ITPR1: variants seen among roughly 807,000 people sequenced by gnomAD.
ITPR1 encodes inositol 1,4,5-trisphosphate receptor type 1, also known as inositol 1,4,5-trisphosphate-gated calcium channel ITPR1.
Under a neutral mutation model 318.4 loss-of-function variants are expected in ITPR1, and 96 were observed. The ratio of observed to expected loss-of-function variants is 0.30; its 90% CI spans 0.26 to 0.36. The LOEUF is 0.36. Among genes scored for constraint, ITPR1 ranks in the 10% least tolerant of loss-of-function variants. The pLI is 1.00. For synonymous variants in ITPR1, 1,312 were observed against 1,289.9 expected, an observed-to-expected ratio of 1.02 and a Z score of -0.37; for missense variants, 2,440 against 3,460.2, an observed-to-expected ratio of 0.71 and a Z score of 7.40.
intron 4 of ITPR1, among the ~76,000 whole-genome samples, chr3:4,627,363 C>G (rs2092864453): frequency 6.6e-6 from 1 of 152,126 alleles, no homozygotes. Flanking sequence ...ACTCAGGAGG[C>G]TGAAGCAGGA....
At chr3:4,680,511 T>G in intron 24 of ITPR1, 42 bp from the exon 25 acceptor site, 2 of 1,595,132 alleles carry the variant, frequency 1.3e-6, no homozygotes, top group Non-Finnish European at 1.7e-6. Context: ...AGATGGTATG[T>G]TAATGTAACC....
intron 61 of ITPR1, among the ~76,000 whole-genome samples, chr3:4,841,601 A>C (rs1437266430): frequency 6.6e-6 from 1 of 152,242 alleles, no homozygotes; most frequent in African/African-American, 2.4e-5. Context: ...CAGATCAATT[A>C]TAATTAAACT....
intron 29 of ITPR1, 83 bp from the exon 30 acceptor site, chr3:4,684,986 C>G: frequency 7.1e-7 from 1 of 1,408,602 alleles, no homozygotes; most frequent in Non-Finnish European, 9.8e-7. Flanking sequence ...TCCCCTTTGC[C>G]TCCCTGCCCG....
chr3:4,707,738 G>A (rs2094790234), intron 37 of ITPR1, among the ~76,000 whole-genome samples: 2 of 152,194 alleles, frequency 1.3e-5, no homozygotes, highest in South Asian at 4.1e-4. Context: ...CTGGCATGTA[G>A]TGAGCACTCA....
intron 5 of ITPR1, among the ~76,000 whole-genome samples, chr3:4,636,454 A>T (rs930875644): frequency 6.6e-6 from 1 of 152,198 alleles, no homozygotes; most frequent in African/African-American, 2.4e-5. Flanking sequence ...TGTTTTTGAG[A>T]TGGAGTCTCT....
intron 59 of ITPR1, among the ~76,000 whole-genome samples, chr3:4,816,816 C>G (rs919002645): frequency 3.9e-5 from 6 of 152,220 alleles, no homozygotes; most frequent in African/African-American, 1.4e-4. Flanking sequence ...CACCCCTCAG[C>G]TTTAGCATTC....
chr3:4,621,667 G>A lies in ITPR1; in HGVS notation c.164-6096G>A, dbSNP rs61137136. 4.0e-3 allele frequency among the ~76,000 whole-genome samples: 614 copies of A among 152,318 alleles called. 5 individuals carry two copies. The highest frequency in any genetic ancestry group is 0.014 in the African/African-American group (578 of 41,580). ...GCCTTCCCATGGCCTGCACTGCCCT[G>A]CACAGTGCAGCTTCTGCTTCCCTCT... On this transcript the variant is annotated intron_variant, in intron 4 of 61. Coordinates refer to ENST00000649015, the MANE Select transcript of ITPR1 (RefSeq NM_001378452.1).
At chr3:4,520,719 C>T (rs1446686264) in intron 3 of ITPR1, among the ~76,000 whole-genome samples, 1 of 152,188 alleles carries the variant, frequency 6.6e-6, no homozygotes, top group Admixed American at 6.5e-5. Context: ...ATGCAACAGC[C>T]CCTTGCTGTG....
chr3:4,649,344 T>A (rs1559611151), intron 10 of ITPR1, among the ~76,000 whole-genome samples: 2 of 152,196 alleles, frequency 1.3e-5, no homozygotes, highest in African/African-American at 4.8e-5. Context: ...TCTCATTTTT[T>A]AAAATGGATT....
chr3:4,673,415 T>G, intron 21 of ITPR1, 28 bp downstream of exon 21: 1 of 1,578,986 alleles, frequency 6.3e-7, no homozygotes, highest in Non-Finnish European at 8.6e-7. Flanking sequence ...AAACCTCACT[T>G]TACATTATTC....
At chr3:4,697,315 G>GAT in intron 34 of ITPR1, 43 bp downstream of exon 34, 2 of 863,060 alleles carry the variant, frequency 2.3e-6, no homozygotes, top group Non-Finnish European at 3.4e-6. Context: ...GAGAGTGAGA[G>GAT]GTGTGTGTGT....
intron 16 of ITPR1, among the ~76,000 whole-genome samples, chr3:4,664,177 C>T (rs1575983880): frequency 6.6e-6 from 1 of 152,296 alleles, no homozygotes; most frequent in East Asian, 1.9e-4. Context: ...CCCATATAGG[C>T]TCTTATAGAG....
chr3:4,554,071 C>G (rs1465728436), intron 4 of ITPR1, among the ~76,000 whole-genome samples: 1 of 152,166 alleles, frequency 6.6e-6, no homozygotes, highest in African/African-American at 2.4e-5. Flanking sequence ...TTAAAAAGAA[C>G]CTTTATTGGT....
intron 4 of ITPR1, among the ~76,000 whole-genome samples, chr3:4,626,062 C>G (rs1055081758): frequency 6.6e-6 from 1 of 152,000 alleles, no homozygotes; most frequent in African/African-American, 2.4e-5. Flanking sequence ...TGGCTTCAGT[C>G]CAGGAGTTCC....
chr3:4,787,475 A>G (rs1054799521), intron 51 of ITPR1, among the ~76,000 whole-genome samples: 3 of 149,616 alleles, frequency 2.0e-5, no homozygotes, highest in Non-Finnish European at 4.4e-5. Flanking sequence ...TGGGCAGACC[A>G]CCTGGGCTCA....
chr3:4,751,597 C>T (rs1221885515), intron 44 of ITPR1: 3 of 152,180 alleles, frequency 2.0e-5, no homozygotes, highest in Non-Finnish European at 4.4e-5. Context: ...GTTGTGCAAT[C>T]CTTAATAGCA....
chr3:4,803,981 C>T (rs1473570393), intron 54 of ITPR1, among the ~76,000 whole-genome samples: 1 of 152,214 alleles, frequency 6.6e-6, no homozygotes, highest in African/African-American at 2.4e-5. Context: ...AAGCAATTCT[C>T]CTCCCTCAGC....
intron 34 of ITPR1, among the ~76,000 whole-genome samples, chr3:4,698,570 T>G (rs1248802348): frequency 6.6e-6 from 1 of 152,186 alleles, no homozygotes; most frequent in African/African-American, 2.4e-5. Flanking sequence ...TCTGCCCTTC[T>G]AGCATGAAAG....
rs149788512 is a variant in ITPR1, at chr3:4,553,254, G to C, written c.163+32160G>C. Among the ~76,000 whole-genome samples the C allele has an allele frequency of 8.8e-4, 134 of 152,188 alleles. No homozygotes were observed. In the Middle Eastern group the frequency reaches 0.02, roughly 23 times the overall value. On this transcript the variant is annotated intron_variant, in intron 4 of 61. Coordinates refer to ENST00000649015, the MANE Select transcript of ITPR1 (RefSeq NM_001378452.1). Reference sequence around the variant, plus strand: ...GAATGGAGTGAGGGTTGGGATAGAGGGGTGGGACATTTTTCTACAGTGAAT... The same window carrying C: ...GAATGGAGTGAGGGTTGGGATAGAGCGGTGGGACATTTTTCTACAGTGAAT...
Sources: gnomAD v4.1 joint callset for allele counts (sites outside exome capture counted in the v4.1 genomes callset) on GRCh38, gnomAD v4.1.1 for gene constraint, MANE v1.5 for transcripts, NCBI Gene and HGNC (gene_info 2026-07-23, HGNC 2026-07-21) for gene names.